RBFOX3: variants seen among roughly 807,000 people sequenced by gnomAD.
RBFOX3 encodes the protein RNA binding protein fox-1 homolog 3.
RBFOX3 carries 17 observed loss-of-function variants against 48.7 expected under a neutral mutation model. The observed-to-expected ratio is 0.35, with a 90% CI of 0.24 to 0.52. RBFOX3 has a LOEUF of 0.52. Ranked by LOEUF, RBFOX3 falls within the 20% of genes least tolerant of loss-of-function variation. The probability of loss-of-function intolerance (pLI) is 0.94; values close to 1 mark genes in which losing one functional copy is unlikely to be tolerated. For synonymous variants in RBFOX3, 212 were observed against 209.5 expected (o/e 1.01, Z -0.10); for missense variants, 382 against 497.5 (o/e 0.77, Z 2.21).
chr17:79,550,402 T>C (rs2091020002), intron 1 of RBFOX3, among the ~76,000 whole-genome samples: 2 of 152,014 alleles, frequency 1.3e-5, no homozygotes, highest in African/African-American at 4.8e-5. Context: ...GGCCCAGACA[T>C]CAGGGAGAAA....
At chr17:79,172,110 G>C (rs1428455092) in intron 4 of RBFOX3, among the ~76,000 whole-genome samples, 1 of 144,670 alleles carries the variant, frequency 6.9e-6, no homozygotes, top group East Asian at 2.2e-4. Flanking sequence ...GGAGGTGGAG[G>C]TTGCAGTGAG....
intron 4 of RBFOX3, among the ~76,000 whole-genome samples, chr17:79,139,700 C>T (rs776559340): frequency 1.3e-5 from 2 of 152,148 alleles, no homozygotes; most frequent in Non-Finnish European, 2.9e-5. Flanking sequence ...GATCTGCCCA[C>T]CACCAACCGC....
chr17:79,128,253 T>C (rs2037845462), intron 4 of RBFOX3, among the ~76,000 whole-genome samples: 1 of 152,218 alleles, frequency 6.6e-6, no homozygotes, highest in African/African-American at 2.4e-5. Context: ...CCTCCTGGCA[T>C]TGAGCATTTG....
rs945696688 is a variant in RBFOX3 at position 79,579,729 on chromosome 17, C to A, written c.-320+31097G>T. On this transcript the variant is annotated intron_variant, in intron 1 of 14. Transcript: ENST00000693108. ...TGGCGCCATGGTGGGGAGTCACTGG[C>A]GCCGTGGTGGGGAGTCACTGGCGCC... 2.8e-3 allele frequency among the ~76,000 whole-genome samples: 410 copies of A among 145,958 alleles called. 3 individuals are homozygous for A. Among genetic ancestry groups the A allele is most frequent in the African/African-American group, 9.2e-3 (354 of 38,468 alleles).
At chr17:79,489,876 T>C (rs2080241656) in intron 1 of RBFOX3, among the ~76,000 whole-genome samples, 1 of 152,184 alleles carries the variant, frequency 6.6e-6, no homozygotes, top group African/African-American at 2.4e-5. Context: ...CTCCTCAGCC[T>C]CTGTACCCCG....
At chr17:79,502,733 C>T (rs983459978) in intron 1 of RBFOX3, among the ~76,000 whole-genome samples, 5 of 152,164 alleles carry the variant, frequency 3.3e-5, no homozygotes, top group African/African-American at 9.7e-5. Context: ...GCCTTTACCA[C>T]GACTCACTCA....
chr17:79,470,299 C>T (rs2076899689), intron 2 of RBFOX3, among the ~76,000 whole-genome samples: 1 of 152,164 alleles, frequency 6.6e-6, no homozygotes, highest in Non-Finnish European at 1.5e-5. Flanking sequence ...GGCCAAAATG[C>T]CGTGTGTCCA....
intron 2 of RBFOX3, among the ~76,000 whole-genome samples, chr17:79,449,250 C>T (rs1310665343): frequency 1.3e-5 from 2 of 152,084 alleles, no homozygotes; most frequent in Non-Finnish European, 2.9e-5. Flanking sequence ...GTAGAAGCTA[C>T]ATGAAACATA....
intron 2 of RBFOX3, among the ~76,000 whole-genome samples, chr17:79,323,450 G>A (rs2078844865): frequency 6.6e-6 from 1 of 152,188 alleles, no homozygotes; most frequent in African/African-American, 2.4e-5. Context: ...GTTGCGAGAG[G>A]TCCACTGTTT....
chr17:79,656,803 A>AAGGAAGG, the RBFOX3 span, among the ~76,000 whole-genome samples: 3 of 1,228 alleles, frequency 2.4e-3, no homozygotes, highest in Non-Finnish European at 7.4e-3. Context: ...AGAAAGAAAG[A>AAGGAAGG]AAGAAAAGAA....
intron 4 of RBFOX3, among the ~76,000 whole-genome samples, chr17:79,166,875 C>T (rs1018671982): frequency 9.9e-5 from 15 of 152,152 alleles, no homozygotes; most frequent in African/African-American, 2.9e-4. Context: ...TAAAAGTCAC[C>T]GAATTGCACA....
At chr17:79,470,104 C>T (rs1248617424) in intron 2 of RBFOX3, among the ~76,000 whole-genome samples, 1 of 152,150 alleles carries the variant, frequency 6.6e-6, no homozygotes, top group African/African-American at 2.4e-5. Flanking sequence ...TTGTGTCATC[C>T]TTACGTTCAG....
chr17:79,302,228 C>T (rs1269604639), intron 3 of RBFOX3, among the ~76,000 whole-genome samples: 2 of 152,214 alleles, frequency 1.3e-5, no homozygotes, highest in Non-Finnish European at 2.9e-5. Context: ...ATACCCCTCC[C>T]CTTCCATCAG....
At chr17:79,356,301 G>T (rs1290074015) in intron 2 of RBFOX3, among the ~76,000 whole-genome samples, 2 of 149,262 alleles carry the variant, frequency 1.3e-5, no homozygotes, top group African/African-American at 4.9e-5. Flanking sequence ...CAATGCCAAG[G>T]TACCTCTGCC....
chr17:79,420,815 A>G (rs554898649), intron 2 of RBFOX3, among the ~76,000 whole-genome samples: 1 of 152,290 alleles, frequency 6.6e-6, no homozygotes, highest in Admixed American at 6.5e-5. Flanking sequence ...CTTACTGATG[A>G]GTGTCTTTAT....
rs296141 is a variant in RBFOX3, at chr17:79,487,643, T to G, written c.-319-5045A>C. On this transcript the variant is annotated intron_variant, in intron 1 of 14. Coordinates refer to ENST00000693108, the MANE Select transcript of RBFOX3 (RefSeq NM_001350451.2). The stretch of plus-strand genomic sequence containing the variant: ...GGGTGAGTGGCATGGAGCTGGGTAA[T>G]GTTTCTGATGAAAATTCCAGCACTT... Among the ~76,000 whole-genome samples, 5 of 152,060 alleles carry G rather than the reference T, an allele frequency of 3.3e-5. No individual in the cohort carries two copies. The East Asian group carries it at 5.8e-4, about 18-fold the overall frequency.
At chr17:79,635,213 G>C in the RBFOX3 span, among the ~76,000 whole-genome samples, 1 of 152,002 alleles carries the variant, frequency 6.6e-6, no homozygotes, top group South Asian at 2.1e-4. Flanking sequence ...CAGAGTCTCA[G>C]GGATGCCTGG....
intron 4 of RBFOX3, among the ~76,000 whole-genome samples, chr17:79,116,646 G>A (rs954827841): frequency 1.1e-4 from 17 of 152,246 alleles, no homozygotes; most frequent in Non-Finnish European, 1.6e-4. Flanking sequence ...TCCCCTGCCA[G>A]TGATGGCCAT....
intron 2 of RBFOX3, among the ~76,000 whole-genome samples, chr17:79,458,378 C>A (rs1024437837): frequency 3.9e-5 from 6 of 152,224 alleles, no homozygotes; most frequent in African/African-American, 1.4e-4. Context: ...CACCATGCAA[C>A]CAGGAAACCG....
Sources: gnomAD v4.1 joint callset for allele counts (sites outside exome capture counted in the v4.1 genomes callset) on GRCh38, gnomAD v4.1.1 for gene constraint, MANE v1.5 for transcripts, NCBI Gene and HGNC (gene_info 2026-07-23, HGNC 2026-07-21) for gene names.